Variants in TFDP1 observed in about 807,000 individuals in gnomAD.
TFDP1 encodes transcription factor Dp-1, also known as DRTF1-polypeptide 1.
TFDP1 carries 6 observed loss-of-function variants against 48.0 expected under a neutral mutation model. The ratio of observed to expected loss-of-function variants is 0.13; its 90% CI spans 0.07 to 0.25. The LOEUF is 0.25. Ranked by LOEUF, TFDP1 falls within the 10% of genes least tolerant of loss-of-function variation. TFDP1 has a pLI of 1.00. For synonymous variants in TFDP1, 201 were observed against 211.6 expected (o/e 0.95, Z 0.44); for missense variants, 335 against 543.0 (o/e 0.62, Z 3.81).
At position 113,631,711 on chromosome 13, in the gene TFDP1, A is replaced by G. The variant is rs769214703; in HGVS notation, c.275A>G (p.Asn92Ser). 3 of 1,614,074 alleles carry G rather than the reference A, an allele frequency of 1.9e-6. No individual in the cohort carries two copies. Residue 92 changes from asparagine to serine, a missense_variant, in exon 5 of 12, where the codon AAC becomes AGC. Physicochemically the swap from Asn to Ser is conservative, Grantham distance 46. Transcript: ENST00000375370. ...CCCAGCACTCACTTTGCCTCTCAGA[A>G]CCAGCCTTCCGACTCCTCACCTTGG... is the stretch of plus-strand genomic sequence containing the variant. Reference protein sequence around the residue: ...HTPSTHFASQNQPSDSSPWSA... With the variant: ...HTPSTHFASQSQPSDSSPWSA...
chr13:113,586,130 T>C (rs1416984658), intron 2 of TFDP1: 5 of 335,064 alleles, frequency 1.5e-5, no homozygotes, highest in Non-Finnish European at 2.7e-5. Flanking sequence ...ACTGTGTTAA[T>C]TGATAATTTT....
At chr13:113,591,009 C>CAAAAAAAAAA (rs71101595) in intron 2 of TFDP1, among the ~76,000 whole-genome samples, 19 of 59,696 alleles carry the variant, frequency 3.2e-4, no homozygotes, top group Non-Finnish European at 3.9e-4. Flanking sequence ...GACTCTGTCT[C>CAAAAAAAAAA]AAAAAAAAAA....
At chr13:113,602,793 G>C (rs375529016) in intron 2 of TFDP1, among the ~76,000 whole-genome samples, 2 of 152,168 alleles carry the variant, frequency 1.3e-5, no homozygotes, top group African/African-American at 2.4e-5. Flanking sequence ...GGCCTGGCTT[G>C]TGAACCTGTG....
At chr13:113,618,014 A>C (rs1296819721) in intron 3 of TFDP1, among the ~76,000 whole-genome samples, 2 of 152,212 alleles carry the variant, frequency 1.3e-5, no homozygotes, top group African/African-American at 4.8e-5. Context: ...CTGTATATAA[A>C]ATGTTTTTAA....
intron 3 of TFDP1, among the ~76,000 whole-genome samples, chr13:113,622,957 A>G (rs952117963): frequency 3.3e-5 from 5 of 152,242 alleles, no homozygotes; most frequent in African/African-American, 1.2e-4. Flanking sequence ...TGCCTGGGTC[A>G]CCTGGGTGGC....
intron 10 of TFDP1, chr13:113,637,353 C>T (rs891657797): frequency 2.1e-5 from 7 of 333,156 alleles, no homozygotes; most frequent in Non-Finnish European, 4.1e-5. Flanking sequence ...AGCTCTTAGA[C>T]TGCCCCAGAT....
chr13:113,635,986 T>C lies in TFDP1; in HGVS notation c.697T>C (p.Phe233Leu). 1 of 1,613,272 alleles carries C rather than the reference T, an allele frequency of 6.2e-7. No individual in the cohort carries two copies. The highest frequency in any genetic ancestry group is 1.1e-5 in the South Asian group (1 of 91,022). ...LQELILQQIA[F>L]KNLVQRNRHA... is the part of the protein sequence containing the mutation. ...CTCTTATTTTTTTTAGCAAATTGCCTTCAAGAACCTGGTGCAGAGAAACCG... is the reference window on the plus strand; with the variant it reads ...CTCTTATTTTTTTTAGCAAATTGCCCTCAAGAACCTGGTGCAGAGAAACCG... Residue 233 changes from phenylalanine (F) to leucine (L), a missense_variant, in exon 9 of 12, where the codon TTC becomes CTC. By Grantham distance (22) the Phe-to-Leu change is conservative. Coordinates refer to ENST00000375370, the MANE Select transcript of TFDP1 (RefSeq NM_007111.5).
At chr13:113,609,309 G>T (rs1405809481) in intron 2 of TFDP1, among the ~76,000 whole-genome samples, 2 of 152,224 alleles carry the variant, frequency 1.3e-5, no homozygotes, top group African/African-American at 4.8e-5. Context: ...CTGGCTCTGT[G>T]TGCAGGTGGT....
intron 3 of TFDP1, among the ~76,000 whole-genome samples, chr13:113,614,429 G>A (rs1698560119): frequency 6.6e-6 from 1 of 152,178 alleles, no homozygotes; most frequent in South Asian, 2.1e-4. Flanking sequence ...GCCCTCGGCG[G>A]TGCCAGTGAG....
At chr13:113,585,957 T>C in intron 2 of TFDP1, 108 bp downstream of exon 2, 1 of 1,294,434 alleles carries the variant, frequency 7.7e-7, no homozygotes, top group African/African-American at 1.5e-5. Flanking sequence ...CAGTAGTGTT[T>C]ATTTTCAGAC....
At position 113,640,496 on chromosome 13, in the gene TFDP1, G is replaced by A. The variant is rs559535944; in HGVS notation, c.*229G>A. ...GCTGATGCAGAGCGTTTATTTACTT[G>A]TTAGGATTTTGTGTTTTCATTTGCT... On this transcript the variant is annotated 3_prime_UTR_variant, in exon 12 of 12. Coordinates refer to ENST00000375370, the MANE Select transcript of TFDP1 (RefSeq NM_007111.5). 5.2e-6 allele frequency: 3 copies of A among 579,328 alleles called. No individual in the cohort carries two copies. Among genetic ancestry groups the A allele is most frequent in the Non-Finnish European group, 7.9e-6 (3 of 380,672 alleles). The allele number at this position is 579,328 out of a possible 1,614,324, so 35.9% of individuals were successfully genotyped here. A position where few individuals can be genotyped will look rare whatever the true frequency, so the allele number is the denominator to read the frequency against.
chr13:113,604,648 G>A (rs1192709774), intron 2 of TFDP1, among the ~76,000 whole-genome samples: 1 of 1,166 alleles, frequency 8.6e-4, no homozygotes, highest in Non-Finnish European at 1.6e-3. Context: ...GACAGACCTC[G>A]GCTGTCCTGT....
intron 2 of TFDP1, among the ~76,000 whole-genome samples, chr13:113,608,515 GC>G (rs1566650300): frequency 6.6e-6 from 1 of 152,214 alleles, no homozygotes; most frequent in East Asian, 1.9e-4. Context: ...CGCACACGGG[GC>G]TGGAGCATGC....
intron 2 of TFDP1, among the ~76,000 whole-genome samples, chr13:113,604,946 A>G (rs2316119): frequency 0.99 from 150,486 of 152,312 alleles, 74,342 homozygotes; most frequent in East Asian, 1. Context: ...TGTAAAGGTG[A>G]GCAGCAGCGA....
At chr13:113,634,077 C>T (rs762271960) in intron 7 of TFDP1, 44 bp downstream of exon 7, 12 of 1,613,482 alleles carry the variant, frequency 7.4e-6, no homozygotes, top group East Asian at 2.2e-5. Context: ...CCTTCAAGTC[C>T]GTGTAGATGT....
Position 113,607,738 on chromosome 13 carries a change from G to T in TFDP1, c.13-3258G>T, listed in dbSNP as rs114273236. On this transcript the variant is annotated intron_variant, in intron 2 of 11. Coordinates refer to ENST00000375370, the MANE Select transcript of TFDP1 (RefSeq NM_007111.5). The surrounding 1 kb of genome is among the most constrained non-coding windows in gnomAD (Gnocchi z 5.2). Reference sequence around the variant, plus strand: ...GGGAGGAAGAAGCACTGCCCGCAAGGAGGGGCTGTGCCAGTGGGTGGCGGT... The same window carrying T: ...GGGAGGAAGAAGCACTGCCCGCAAGTAGGGGCTGTGCCAGTGGGTGGCGGT... Among the ~76,000 whole-genome samples the T allele has an allele frequency of 9.4e-3, 1,427 of 152,328 alleles. 22 individuals are homozygous for T. The highest frequency in any genetic ancestry group is 0.032 in the African/African-American group (1,351 of 41,576).
At position 113,620,865 on chromosome 13, in the gene TFDP1, G is replaced by A. The variant is rs183453991; in HGVS notation, c.80-2315G>A. Among the ~76,000 whole-genome samples the A allele has an allele frequency of 6.0e-3, 916 of 152,250 alleles. 9 individuals carry two copies. Among genetic ancestry groups the A allele is most frequent in the African/African-American group, 0.021 (872 of 41,526 alleles). ...GAATTTTAAATATGTGCTGACATTGGTTGGTAAAAATACTAATATTTAACC... is the reference window on the plus strand; with the variant it reads ...GAATTTTAAATATGTGCTGACATTGATTGGTAAAAATACTAATATTTAACC... On this transcript the variant is annotated intron_variant, in intron 3 of 11. Coordinates refer to ENST00000375370, the MANE Select transcript of TFDP1 (RefSeq NM_007111.5).
At position 113,611,034 on chromosome 13, in the gene TFDP1, C is replaced by T; in HGVS notation, c.51C>T (p.Phe17=). Residue 17 remains phenylalanine (F), a synonymous_variant, in exon 3 of 12, where the codon TTC becomes TTT. Coordinates refer to ENST00000375370, the MANE Select transcript of TFDP1 (RefSeq NM_007111.5). ...AAGCCAACGGAGAACTCAAGGTCTT[C>T]ATAGACCAGAACCTTAGTCCCGGGA... is the stretch of plus-strand genomic sequence containing the variant. ...LIEANGELKV[F]IDQNLSPGKG... is the part of the protein sequence containing the mutation. 6.2e-7 allele frequency: 1 copy of T among 1,614,178 alleles called. No individual in the cohort carries two copies. Among genetic ancestry groups the T allele is most frequent in the Non-Finnish European group, 8.5e-7 (1 of 1,180,016 alleles).
intron 2 of TFDP1, among the ~76,000 whole-genome samples, chr13:113,599,023 G>A (rs766511743): frequency 9.2e-5 from 14 of 152,192 alleles, no homozygotes; most frequent in Non-Finnish European, 1.5e-4. Context: ...CAGTCAACGG[G>A]GCTCTGCTGT....
Sources: gnomAD v4.1 joint callset for allele counts (sites outside exome capture counted in the v4.1 genomes callset) on GRCh38, gnomAD v4.1.1 for gene constraint, Gnocchi (gnomAD v3.1) non-coding constraint, MANE v1.5 for transcripts, NCBI Gene and HGNC (gene_info 2026-07-23, HGNC 2026-07-21) for gene names.